FBXL19: variants seen among roughly 807,000 people sequenced by gnomAD.
FBXL19 encodes F-box/LRR-repeat protein 19.
FBXL19 carries 16 observed loss-of-function variants against 71.2 expected under a neutral mutation model. That is an observed-to-expected ratio of 0.22 (90% CI 0.15 to 0.34). The LOEUF (loss-of-function observed/expected upper bound fraction) is 0.34. Ranked by LOEUF, FBXL19 falls within the 10% of genes least tolerant of loss-of-function variation. The pLI is 1.00. For synonymous variants in FBXL19, 447 were observed against 409.4 expected (o/e 1.09, Z -1.11); for missense variants, 658 against 968.2 (o/e 0.68, Z 4.25).
At position 30,927,906 on chromosome 16, in the gene FBXL19, G is replaced by GC. The variant is rs771935370; in HGVS notation, c.576dup (p.Lys193GlnfsTer10). ...GGCCCCCCCCGGAGGACGTGCCTGG[G>GC]CCCCCCAAACGAAAGGAAAGGGAGG... On this transcript the variant is annotated frameshift_variant, in exon 5 of 11. Transcript: ENST00000338343. LOFTEE classifies it high-confidence loss of function. The GC allele has an allele frequency of 6.5e-7, 1 of 1,544,320 alleles. No homozygotes were observed. Among genetic ancestry groups the GC allele is most frequent in the Non-Finnish European group, 8.7e-7 (1 of 1,152,482 alleles).
At position 30,925,360 on chromosome 16, in the gene FBXL19, G is replaced by T. The variant is rs907503632; in HGVS notation, c.-24-371G>T. 1.3e-5 allele frequency among the ~76,000 whole-genome samples: 2 copies of T among 152,108 alleles called. No homozygotes were observed. Among genetic ancestry groups the T allele is most frequent in the Non-Finnish European group, 2.9e-5 (2 of 68,014 alleles). ...GGATATTCTACACTCGGATAACAGG[G>T]GAAGAGTTGGGATCTCTCCAAGCTA... On this transcript the variant is annotated intron_variant, in intron 1 of 10. Transcript: ENST00000338343. The surrounding 1 kb of genome is among the most constrained non-coding windows in gnomAD (Gnocchi z 5.0).
chr16:30,927,444 G>T lies in FBXL19; in HGVS notation c.314G>T (p.Cys105Phe). 1 of 1,588,418 alleles carries T rather than the reference G, an allele frequency of 6.3e-7. No homozygotes were observed. Among genetic ancestry groups the T allele is most frequent in the Admixed American group, 1.8e-5 (1 of 55,640 alleles). ...TGCAACGAGATCGTCCACCCCGGCT[G>T]CCTGAAGGTGATGGCCCTGGGACCC... is the stretch of plus-strand genomic sequence containing the variant. The part of the protein sequence containing the change: ...TICNEIVHPG[C>F]LKMGKAEGVI... The change falls in exon 3 of 11, where the codon TGC becomes TTC. Residue 105 changes from cysteine to phenylalanine, a missense_variant. Coordinates refer to ENST00000338343, the MANE Select transcript of FBXL19 (RefSeq NM_001382779.1).
At chr16:30,928,701 GT>G in intron 6 of FBXL19, 73 bp downstream of exon 6, 1 of 1,185,738 alleles carries the variant, frequency 8.4e-7, no homozygotes, top group Non-Finnish European at 1.1e-6. Context: ...CCCAAGACCT[GT>G]CCCTTCCTGC....
At position 30,928,635 on chromosome 16, in the gene FBXL19, C is replaced by G. The variant is rs776243326; in HGVS notation, c.789+7C>G. 1 of 1,552,530 alleles carries G rather than the reference C, an allele frequency of 6.4e-7. No homozygotes were observed. The highest frequency in any genetic ancestry group is 1.9e-5 in the Admixed American group (1 of 51,796). On this transcript the variant is annotated splice_region_variant and intron_variant, in intron 6 of 10. Coordinates refer to ENST00000338343, the MANE Select transcript of FBXL19 (RefSeq NM_001382779.1). ...CCCTCCCGAGAACTGGGAGGTGTGC[C>G]GGGGACCTCCTCCCTCCCCTTCCCA...
rs570625310 is a variant in FBXL19 at position 30,925,782 on chromosome 16, G to T, written c.28G>T (p.Ala10Ser). The T allele has an allele frequency of 3.5e-5, 52 of 1,487,848 alleles. No homozygotes were observed. In the African/African-American group the frequency reaches 5.1e-4, roughly 15 times the overall value. The allele number at this position is 1,487,848 out of a possible 1,614,324, so 92.2% of individuals were successfully genotyped here. MSSSSRGPG[A>S]GARRRRTRCR... ...GTCGTCGAGCAGCCGGGGGCCGGGGGCCGGAGCGCGCCGACGCCGAACCCG... is the reference window on the plus strand; with the variant it reads ...GTCGTCGAGCAGCCGGGGGCCGGGGTCCGGAGCGCGCCGACGCCGAACCCG... The change falls in exon 2 of 11, where the codon GCC becomes TCC. Residue 10 changes from alanine (A) to serine (S), a missense_variant. Coordinates refer to ENST00000338343, the MANE Select transcript of FBXL19 (RefSeq NM_001382779.1). The surrounding 1 kb of genome is among the most constrained non-coding windows in gnomAD (Gnocchi z 5.0).
At position 30,930,717 on chromosome 16, in the gene FBXL19, C is replaced by A; in HGVS notation, c.1301+133C>A. The A allele has an allele frequency of 1.0e-6, 1 of 955,318 alleles. No individual in the cohort carries two copies. The highest frequency in any genetic ancestry group is 1.4e-6 in the Non-Finnish European group (1 of 715,882). 59.2% of individuals were successfully genotyped at this position (955,318 alleles called of 1,614,324 possible). ...ATACTTCTCTAGTATGCACAGATTA[C>A]AGTGCATCCTTCCGTATTTCCCGTG... On this transcript the variant is annotated intron_variant, in intron 7 of 10. Transcript: ENST00000338343. The surrounding 1 kb of genome is among the most constrained non-coding windows in gnomAD (Gnocchi z 8.5).
chr16:30,932,606 A>G (rs1768784454), intron 7 of FBXL19, among the ~76,000 whole-genome samples: 1 of 152,146 alleles, frequency 6.6e-6, no homozygotes, highest in Admixed American at 6.5e-5. Context: ...TCTCATCTGT[A>G]GTCTGGGTTT....
rs925706551 is a variant in FBXL19 at position 30,927,800 on chromosome 16, G to C, written c.464G>C (p.Ser155Thr). 3 of 1,552,504 alleles carry C rather than the reference G, an allele frequency of 1.9e-6. No individual in the cohort carries two copies. The highest frequency in any genetic ancestry group is 2.6e-6 in the Non-Finnish European group (3 of 1,148,692). ...GCCGACAACGGCGAGGAGGGCGCCAGCTTGGGGAGCGGATGGAAGCTGACA... is the reference window on the plus strand; with the variant it reads ...GCCGACAACGGCGAGGAGGGCGCCACCTTGGGGAGCGGATGGAAGCTGACA... ...RRADNGEEGA[S>T]LGSGWKLTEE... The change falls in exon 5 of 11, where the codon AGC (serine) becomes ACC (threonine). Residue 155 changes from serine to threonine, a missense_variant. By Grantham distance (58) the Ser-to-Thr change is moderately conservative. Around this residue, in one of 8 missense-constraint regions of FBXL19, gnomAD observed 447 missense variants for 515.4 expected, o/e 0.87. Coordinates refer to ENST00000338343, the MANE Select transcript of FBXL19 (RefSeq NM_001382779.1).
intron 7 of FBXL19, among the ~76,000 whole-genome samples, chr16:30,940,638 C>T (rs940324220): frequency 1.3e-5 from 2 of 151,994 alleles, no homozygotes; most frequent in African/African-American, 4.8e-5. Flanking sequence ...AGGCCCTTCT[C>T]CAGTTCACTG....
At chr16:30,933,776 T>C (rs1247327371) in intron 7 of FBXL19, among the ~76,000 whole-genome samples, 2 of 143,168 alleles carry the variant, frequency 1.4e-5, no homozygotes, top group African/African-American at 5.3e-5. Flanking sequence ...TTTTGAGATG[T>C]AGTTTAGCTC....
Position 30,927,972 on chromosome 16 carries a change from C to T in FBXL19, c.627+9C>T, listed in dbSNP as rs1249679612. ...CCACCCCAAGGAAAAAGGTGAGCCA[C>T]GGAGCACGCTCACTAGGCTTGTCCT... On this transcript the variant is annotated intron_variant, in intron 5 of 10. Transcript: ENST00000338343. The T allele has an allele frequency of 4.7e-6, 7 of 1,481,740 alleles. No homozygotes were observed. The highest frequency in any genetic ancestry group is 6.3e-6 in the Non-Finnish European group (7 of 1,118,418). 91.8% of individuals were successfully genotyped at this position (1,481,740 alleles called of 1,614,324 possible).
chr16:30,940,816 G>A (rs566644095), intron 7 of FBXL19, among the ~76,000 whole-genome samples: 3 of 152,142 alleles, frequency 2.0e-5, no homozygotes, highest in Non-Finnish European at 2.9e-5. Flanking sequence ...ACAGGCGCCC[G>A]CCACCATGCC....
chr16:30,938,759 C>T (rs1445313480), intron 7 of FBXL19, among the ~76,000 whole-genome samples: 1 of 151,960 alleles, frequency 6.6e-6, no homozygotes, highest in Non-Finnish European at 1.5e-5. Context: ...GCCTCAGCCT[C>T]CTGAGTAGCT....
chr16:30,943,367 ATTTTTTTTTTT>A (rs34002102), intron 9 of FBXL19, among the ~76,000 whole-genome samples: 3 of 67,584 alleles, frequency 4.4e-5, no homozygotes, highest in African/African-American at 5.6e-5. Context: ...TTTTTTTGTA[ATTTTTTTTTTT>A]TTTTTTTTTT....
In FBXL19 at chr16:30,946,785, T is replaced by G. The variant is rs1377448117; in HGVS notation, c.1683T>G (p.Gly561=). The change falls in exon 10 of 11, where the codon GGT becomes GGG. Residue 561 remains glycine (G), a synonymous_variant. Transcript: ENST00000338343. This position sits in a 1 kb window ranked among gnomAD's most constrained non-coding sequence, Gnocchi z 6.7. The stretch of plus-strand genomic sequence containing the variant: ...GGGTGGCAGAACTGCGTCTGGCAGG[T>G]TTGGAGCTGACAGATGCCTCCCTGC... ...LQGVAELRLA[G]LELTDASLRL... is the part of the protein sequence containing the mutation. 6.2e-7 allele frequency: 1 copy of G among 1,613,410 alleles called. No individual in the cohort carries two copies. Among genetic ancestry groups the G allele is most frequent in the Non-Finnish European group, 8.5e-7 (1 of 1,179,758 alleles).
chr16:30,937,047 A>AT (rs1162913495), intron 7 of FBXL19, among the ~76,000 whole-genome samples: 2 of 151,980 alleles, frequency 1.3e-5, no homozygotes, highest in Middle Eastern at 3.2e-3. Context: ...CGCTTGCCTC[A>AT]TTTTCTTTAC....
At chr16:30,928,904 C>A (rs976832614) in intron 6 of FBXL19, among the ~76,000 whole-genome samples, 2 of 152,176 alleles carry the variant, frequency 1.3e-5, no homozygotes, top group African/African-American at 4.8e-5. Context: ...AAATTTCTGT[C>A]CGACCGTTTA....
intron 9 of FBXL19, among the ~76,000 whole-genome samples, chr16:30,945,927 AAG>A (rs1220625374): frequency 6.6e-6 from 1 of 151,986 alleles, no homozygotes; most frequent in African/African-American, 2.4e-5. Flanking sequence ...TGGTGAGAAA[AAG>A]AGGAAAAAAT....
At position 30,924,511 on chromosome 16, in the gene FBXL19, C is replaced by T. The variant is rs2055566090; in HGVS notation, c.-25+52C>T. On this transcript the variant is annotated intron_variant, in intron 1 of 10. Coordinates refer to ENST00000338343, the MANE Select transcript of FBXL19 (RefSeq NM_001382779.1). ...CCCAGACCTGGGCAGCGCCCACTCCCATTCATCCTCAGCCCGGCCTCTCTC... is the reference window on the plus strand; with the variant it reads ...CCCAGACCTGGGCAGCGCCCACTCCTATTCATCCTCAGCCCGGCCTCTCTC... 5.9e-6 allele frequency: 5 copies of T among 845,054 alleles called. No homozygotes were observed. In the South Asian group the frequency reaches 8.9e-5, roughly 15 times the overall value. The allele number at this position is 845,054 out of a possible 1,614,324, so 52.3% of individuals were successfully genotyped here.
Sources: gnomAD v4.1 joint callset for allele counts (sites outside exome capture counted in the v4.1 genomes callset) on GRCh38, gnomAD v4.1.1 for gene constraint, gnomAD v4.1.1 regional missense constraint, Gnocchi (gnomAD v3.1) non-coding constraint, MANE v1.5 for transcripts, NCBI Gene and HGNC (gene_info 2026-07-23, HGNC 2026-07-21) for gene names.